Variants in ANKFN1 observed in about 807,000 individuals in gnomAD.
ANKFN1 encodes ankyrin repeat and fibronectin type III domain containing 1.
Under a neutral mutation model 108.7 loss-of-function variants are expected in ANKFN1, and 74 were observed. The observed-to-expected ratio is 0.68, with a 90% confidence interval of 0.56 to 0.83. ANKFN1 has a LOEUF of 0.83. Among genes scored for constraint, ANKFN1 ranks in the 40% least tolerant of loss-of-function variants. ANKFN1 has a pLI of 0.00. For missense variants in ANKFN1, 1,505 were observed against 1,382.3 expected (o/e 1.09, Z -1.41); for synonymous variants, 547 against 516.2 (o/e 1.06, Z -0.81).
At chr17:56,499,252 C>T (rs901410478) in intron 20 of ANKFN1, among the ~76,000 whole-genome samples, 154 bp downstream of exon 20, 9 of 152,032 alleles carry the variant, frequency 5.9e-5, no homozygotes, top group Admixed American at 4.6e-4. Context: ...GAAACAAAAT[C>T]AGAATAGTAG....
In ANKFN1 at chr17:56,308,143, C is replaced by T. The variant is rs913580443; in HGVS notation, c.54-18078C>T. ...TGGAGATATACCTAATGTTAAATGACGAGTTACTGGGTGCAGCACACCAAC... is the reference window on the plus strand; with the variant it reads ...TGGAGATATACCTAATGTTAAATGATGAGTTACTGGGTGCAGCACACCAAC... On this transcript the variant is annotated intron_variant, in intron 3 of 20. Coordinates refer to ENST00000682825, the MANE Select transcript of ANKFN1 (RefSeq NM_001370326.1). Among the ~76,000 whole-genome samples the T allele has an allele frequency of 2.6e-5, 4 of 151,660 alleles. No homozygotes were observed. In the South Asian group the frequency reaches 8.3e-4, roughly 32 times the overall value.
chr17:56,194,448 G>A (rs745688672), intron 1 of ANKFN1, among the ~76,000 whole-genome samples: 1 of 152,136 alleles, frequency 6.6e-6, no homozygotes, highest in African/African-American at 2.4e-5. Context: ...GAGCTCACAA[G>A]TCATGAAAAG....
chr17:56,227,205 A>G (rs1202583733), intron 2 of ANKFN1, among the ~76,000 whole-genome samples: 1 of 152,130 alleles, frequency 6.6e-6, no homozygotes, highest in Non-Finnish European at 1.5e-5. Flanking sequence ...CCCTTTCAAT[A>G]TAACCACAAT....
chr17:56,353,311 C>T (rs964221008), intron 5 of ANKFN1, among the ~76,000 whole-genome samples: 5 of 151,408 alleles, frequency 3.3e-5, no homozygotes, highest in African/African-American at 7.3e-5. Flanking sequence ...TCTCAGCTGA[C>T]TGCAACCTCT....
intron 18 of ANKFN1, among the ~76,000 whole-genome samples, chr17:56,486,275 A>G (rs1266264561): frequency 6.6e-6 from 1 of 152,218 alleles, no homozygotes; most frequent in African/African-American, 2.4e-5. Flanking sequence ...GTTTCCAGAA[A>G]AGACCACTTG....
rs191860478 is a variant in ANKFN1 at position 56,088,100 on chromosome 17, A to G, written c.288+41775A>G. 2.2e-3 allele frequency among the ~76,000 whole-genome samples: 336 copies of G among 151,384 alleles called. 11 individuals carry two copies. Among genetic ancestry groups the G allele is most frequent in the African/African-American group, 7.8e-3 (320 of 41,274 alleles). On this transcript the variant is annotated intron_variant, in intron 4 of 12. Coordinates refer to the ANKFN1 transcript ENST00000635860. ...TTGCTCTTACTTTCCCTCCAGGTAG[A>G]ATCTTCTTTAATGATATCTAGGTCC... is the stretch of plus-strand genomic sequence containing the variant.
chr17:56,144,298 A>G (rs1158693375), intron 4 of ANKFN1, among the ~76,000 whole-genome samples: 1 of 152,156 alleles, frequency 6.6e-6, no homozygotes, highest in East Asian at 1.9e-4. Context: ...GCTCCATGTG[A>G]AAAATCAAGA....
rs114478251 is a variant in ANKFN1 at position 56,509,318 on chromosome 17, C to T, written c.2645-1155C>T. On this transcript the variant is annotated intron_variant, in intron 20 of 20. Transcript: ENST00000682825. ...GTTGATATGCAGACGTAATGGTCTT[C>T]AGGCAACAAGCTCTATTTTTCAGCC... Among the ~76,000 whole-genome samples the T allele has an allele frequency of 7.7e-3, 1,170 of 152,292 alleles. 16 individuals are homozygous for T. Among genetic ancestry groups the T allele is most frequent in the African/African-American group, 0.027 (1,128 of 41,550 alleles).
At chr17:56,137,927 T>C (rs1359967413) in intron 4 of ANKFN1, among the ~76,000 whole-genome samples, 2 of 152,202 alleles carry the variant, frequency 1.3e-5, no homozygotes, top group Non-Finnish European at 2.9e-5. Flanking sequence ...AATTTTATCA[T>C]TTAGCAAAGA....
intron 15 of ANKFN1, among the ~76,000 whole-genome samples, chr17:56,469,777 T>G (rs1055509206): frequency 1.2e-5 from 1 of 81,844 alleles, no homozygotes; most frequent in Non-Finnish European, 2.8e-5. Context: ...TCAGAAAATT[T>G]TTTTTCTTTT....
chr17:56,186,773 T>C (rs1912249420), intron 1 of ANKFN1, among the ~76,000 whole-genome samples: 1 of 152,218 alleles, frequency 6.6e-6, no homozygotes, highest in African/African-American at 2.4e-5. Flanking sequence ...GGCATCCTGT[T>C]ACCTAAAGGT....
At chr17:56,317,259 G>T (rs2144485944) in intron 3 of ANKFN1, among the ~76,000 whole-genome samples, 1 of 152,236 alleles carries the variant, frequency 6.6e-6, no homozygotes, top group African/African-American at 2.4e-5. Flanking sequence ...AAAGAAAAAA[G>T]CCAGAAGAAC....
chr17:56,425,132 A>C (rs1358011265), intron 8 of ANKFN1, among the ~76,000 whole-genome samples: 2 of 152,024 alleles, frequency 1.3e-5, no homozygotes, highest in Non-Finnish European at 2.9e-5. Flanking sequence ...TTAGTTAAAA[A>C]AAAAAAAAAA....
intron 6 of ANKFN1, among the ~76,000 whole-genome samples, chr17:56,354,815 T>C (rs572760389): frequency 2.2e-4 from 34 of 152,226 alleles, no homozygotes; most frequent in Non-Finnish European, 4.3e-4. Flanking sequence ...TACAACATTT[T>C]CTTTATCTAT....
chr17:56,422,523 C>T (rs1320779784), intron 8 of ANKFN1, among the ~76,000 whole-genome samples: 2 of 152,164 alleles, frequency 1.3e-5, no homozygotes, highest in South Asian at 4.1e-4. Flanking sequence ...GCACACACTT[C>T]AACTACTTCT....
intron 8 of ANKFN1, among the ~76,000 whole-genome samples, chr17:56,385,870 G>T (rs1482654794): frequency 2.0e-5 from 3 of 152,156 alleles, no homozygotes; most frequent in Non-Finnish European, 4.4e-5. Flanking sequence ...TACACTGTTG[G>T]TGGGACTGTA....
At chr17:56,289,379 C>A (rs1246886094) in intron 3 of ANKFN1, among the ~76,000 whole-genome samples, 1 of 152,124 alleles carries the variant, frequency 6.6e-6, no homozygotes, top group Non-Finnish European at 1.5e-5. Flanking sequence ...GCCTCTAATT[C>A]TGCTTCCAAG....
At chr17:56,506,617 A>G (rs970246434) in intron 20 of ANKFN1, among the ~76,000 whole-genome samples, 1 of 151,434 alleles carries the variant, frequency 6.6e-6, no homozygotes, top group Non-Finnish European at 1.5e-5. Context: ...AGTATGTGGT[A>G]ATTTGTTCCA....
intron 4 of ANKFN1, among the ~76,000 whole-genome samples, chr17:56,068,071 G>A (rs1206955302): frequency 2.0e-5 from 3 of 152,074 alleles, no homozygotes; most frequent in East Asian, 1.9e-4. Flanking sequence ...CAAATATGCG[G>A]TGCACTCCTG....
Sources: gnomAD v4.1 joint callset for allele counts (sites outside exome capture counted in the v4.1 genomes callset) on GRCh38, gnomAD v4.1.1 for gene constraint, MANE v1.5 for transcripts, NCBI Gene and HGNC (gene_info 2026-07-23, HGNC 2026-07-21) for gene names.